Variants in HOXB3 observed in about 807,000 individuals in gnomAD.
HOXB3 encodes homeobox protein Hox-B3.
A neutral mutation model predicts 29.2 loss-of-function variants in HOXB3; 17 were observed. The observed-to-expected ratio is 0.58, with a 90% CI of 0.40 to 0.87. HOXB3 has a LOEUF of 0.87. HOXB3 is among the 40% of genes least tolerant of loss of function. The probability of loss-of-function intolerance (pLI) is 0.00; values close to 1 mark genes in which losing one functional copy is unlikely to be tolerated. For missense variants in HOXB3, 637 were observed against 616.3 expected (o/e 1.03, Z -0.35); for synonymous variants, 317 against 285.9 (o/e 1.11, Z -1.10).
intron 2 of HOXB3, among the ~76,000 whole-genome samples, chr17:48,562,450 G>A (rs2069231625): frequency 6.6e-6 from 1 of 152,016 alleles, no homozygotes; most frequent in Middle Eastern, 3.2e-3. Flanking sequence ...GCCGGCAGCT[G>A]CACCTCAAAG....
intron 2 of HOXB3, among the ~76,000 whole-genome samples, chr17:48,570,262 C>G (rs1188591694): frequency 2.0e-5 from 3 of 152,128 alleles, no homozygotes; most frequent in Admixed American, 6.5e-5. Flanking sequence ...AAGAGAGAGA[C>G]ACACACAGAC....
chr17:48,576,730 C>A lies in HOXB3; in HGVS notation c.-424-2716G>T. 1.2e-6 allele frequency: 2 copies of A among 1,606,346 alleles called. No homozygotes were observed. Among genetic ancestry groups the A allele is most frequent in the South Asian group, 2.2e-5 (2 of 90,528 alleles). On this transcript the variant is annotated intron_variant, in intron 1 of 4. Coordinates refer to ENST00000498678, the MANE Select transcript of HOXB3 (RefSeq NM_001384749.1). Reference sequence around the variant, plus strand: ...TCCCGCGTGCGGGGGCACTAGAGCGCGCGGGGGCCTCCATTGGGCCGGCCA... The same window carrying A: ...TCCCGCGTGCGGGGGCACTAGAGCGAGCGGGGGCCTCCATTGGGCCGGCCA...
chr17:48,583,142 T>C (rs987605683), intron 1 of HOXB3, among the ~76,000 whole-genome samples: 1 of 152,192 alleles, frequency 6.6e-6, no homozygotes, highest in Non-Finnish European at 1.5e-5. Context: ...CCACTCCACC[T>C]CTTGGGGCCA....
At chr17:48,561,414 C>A (rs1035328227) in intron 2 of HOXB3, among the ~76,000 whole-genome samples, 1 of 152,224 alleles carries the variant, frequency 6.6e-6, no homozygotes, top group Non-Finnish European at 1.5e-5. Flanking sequence ...AATAAGGGCA[C>A]CTTCAGAAAG....
chr17:48,554,068 T>A lies in HOXB3; in HGVS notation c.-158-1436A>T, dbSNP rs1392708423. On this transcript the variant is annotated intron_variant, in intron 3 of 4. Coordinates refer to ENST00000498678, the MANE Select transcript of HOXB3 (RefSeq NM_001384749.1). The surrounding 1 kb of genome is among the most constrained non-coding windows in gnomAD (Gnocchi z 4.1). ...CTGAGTTCCGATTGGTTTCTGGAAA[T>A]ACACATGGGTCTGCAAAGCAGCAGG... is the stretch of plus-strand genomic sequence containing the variant. The A allele has an allele frequency of 1.3e-5, 2 of 155,510 alleles. No homozygotes were observed. 9.6% of individuals were successfully genotyped at this position (155,510 alleles called of 1,614,324 possible).
Position 48,552,120 on chromosome 17 carries a change from G to A in HOXB3, c.355C>T (p.Pro119Ser), listed in dbSNP as rs753554555. ...TTGGTGAGGGTGGAGTTGGTGCCGGGACCGCACTTTGGGGGACCACTTTTG... is the reference window on the plus strand; with the variant it reads ...TTGGTGAGGGTGGAGTTGGTGCCGGAACCGCACTTTGGGGGACCACTTTTG... ...PSKSGPPKCG[P>S]GTNSTLTKQI... Residue 119 changes from proline (P) to serine (S), a missense_variant, in exon 4 of 5, where the codon CCC becomes TCC. Coordinates refer to ENST00000498678, the MANE Select transcript of HOXB3 (RefSeq NM_001384749.1). 3.1e-6 allele frequency: 5 copies of A among 1,613,742 alleles called. No homozygotes were observed. The Admixed American group carries it at 8.3e-5, about 27-fold the overall frequency.
chr17:48,578,222 T>C (rs1202430976), intron 1 of HOXB3: 1 of 1,613,618 alleles, frequency 6.2e-7, no homozygotes, highest in South Asian at 1.1e-5. Context: ...CCCGGGCGAG[T>C]GGTCGCTGGG....
At chr17:48,577,976 C>A in intron 1 of HOXB3, 1 of 1,305,984 alleles carries the variant, frequency 7.7e-7, no homozygotes. Flanking sequence ...CGGGGGGCTG[C>A]TGCTGACCGC....
At chr17:48,561,214 A>ACACACACACACACACG (rs1555637602) in intron 2 of HOXB3, among the ~76,000 whole-genome samples, 2 of 151,844 alleles carry the variant, frequency 1.3e-5, no homozygotes, top group East Asian at 3.9e-4. Flanking sequence ...ACACACACAC[A>ACACACACACACACACG]CACACACACA....
intron 2 of HOXB3, among the ~76,000 whole-genome samples, chr17:48,562,713 G>A (rs1017003151): frequency 9.2e-5 from 14 of 152,140 alleles, no homozygotes; most frequent in African/African-American, 3.4e-4. Context: ...TCATTGGTGC[G>A]GGGCCCAAGT....
At position 48,552,234 on chromosome 17, in the gene HOXB3, C is replaced by T. The variant is rs1303178536; in HGVS notation, c.241G>A (p.Glu81Lys). The change falls in exon 4 of 5, where the codon GAG becomes AAG. Residue 81 changes from glutamate to lysine, a missense_variant. By Grantham distance (56) the Glu-to-Lys change is moderately conservative. Transcript: ENST00000498678. ...GAGCCAGGCGGGGCCGACAGGGGCT[C>T]GGGGGCCAGACCCGGCCTCATGCAG... ...GSCMRPGLAP[E>K]PLSAPPGSPP... The T allele has an allele frequency of 1.2e-6, 2 of 1,612,514 alleles. No homozygotes were observed. Among genetic ancestry groups the T allele is most frequent in the South Asian group, 1.1e-5 (1 of 91,062 alleles).
Position 48,552,033 on chromosome 17 carries a change from CG to C in HOXB3, c.441del (p.Gly148AlafsTer72). The C allele has an allele frequency of 6.4e-7, 1 of 1,571,988 alleles. No homozygotes were observed. Among genetic ancestry groups the C allele is most frequent in the Non-Finnish European group, 8.7e-7 (1 of 1,154,962 alleles). ...GAAGGCAGAGAACTGGTACCTGTGCCGGGGGAGTTGTTTTTCAGCTTGGACG... is the reference window on the plus strand; with the variant it reads ...GAAGGCAGAGAACTGGTACCTGTGCCGGGGAGTTGTTTTTCAGCTTGGACG... ...RQTSKLKNNSPGTAEGCGGGG... is the reference protein window; with the variant it reads ...RQTSKLKNNSXGTAEGCGGGG... On this transcript the variant is annotated frameshift_variant, in exon 4 of 5. Transcript: ENST00000498678. LOFTEE classifies it high-confidence loss of function.
intron 1 of HOXB3, among the ~76,000 whole-genome samples, chr17:48,588,067 G>A (rs576387408): frequency 6.6e-6 from 1 of 152,330 alleles, no homozygotes; most frequent in Admixed American, 6.5e-5. Flanking sequence ...CTTAGAGGGA[G>A]ACAGCCTGGG....
chr17:48,556,089 G>A (rs1320347750), intron 2 of HOXB3, among the ~76,000 whole-genome samples: 2 of 151,192 alleles, frequency 1.3e-5, no homozygotes, highest in South Asian at 2.1e-4. Context: ...GGGAAGGGGG[G>A]AAATTTTAAA....
chr17:48,552,723 G>A, intron 3 of HOXB3, 91 bp from the exon 4 acceptor site: 1 of 415,478 alleles, frequency 2.4e-6, no homozygotes, highest in Non-Finnish European at 4.3e-6. Flanking sequence ...CATCAATAGG[G>A]TTTTTTCTTT....
chr17:48,585,822 G>T (rs1567967086), intron 1 of HOXB3, among the ~76,000 whole-genome samples: 1 of 152,036 alleles, frequency 6.6e-6, no homozygotes, highest in African/African-American at 2.4e-5. Context: ...AAGAGGCGAC[G>T]CCCCACACAG....
At chr17:48,577,815 G>A (rs1370421048) in intron 1 of HOXB3, 18 of 1,366,064 alleles carry the variant, frequency 1.3e-5, no homozygotes, top group Non-Finnish European at 1.7e-5. Flanking sequence ...AGTCCCTTTG[G>A]TGTAAAGCTC....
intron 1 of HOXB3, chr17:48,576,650 T>TGCCCCCC: frequency 4.2e-5 from 24 of 567,756 alleles, no homozygotes; most frequent in East Asian, 3.6e-4. Context: ...CCCCCTCCTG[T>TGCCCCCC]CCCCCCACCC....
intron 1 of HOXB3, chr17:48,577,962 G>A: frequency 7.6e-7 from 1 of 1,315,538 alleles, no homozygotes; most frequent in Non-Finnish European, 9.7e-7. Flanking sequence ...GCGCAGGGAG[G>A]CGGCGGGGGG....
Sources: gnomAD v4.1 joint callset for allele counts (sites outside exome capture counted in the v4.1 genomes callset) on GRCh38, gnomAD v4.1.1 for gene constraint, Gnocchi (gnomAD v3.1) non-coding constraint, MANE v1.5 for transcripts, NCBI Gene and HGNC (gene_info 2026-07-23, HGNC 2026-07-21) for gene names.